The following RP1 variants were observed in gnomAD, a reference collection of about 807,000 sequenced individuals.
The protein encoded by RP1 is oxygen-regulated protein 1.
RP1 carries 16 observed loss-of-function variants against 14.8 expected under a neutral mutation model. The observed-to-expected ratio is 1.08, with a 90% confidence interval of 0.73 to 1.65. The LOEUF is 1.65. Ranked by LOEUF, RP1 falls within the 40% of genes most tolerant of loss-of-function variation. The pLI, the probability that RP1 is intolerant of heterozygous loss-of-function variation, is 0.00. For synonymous variants in RP1, 876 were observed against 883.6 expected (o/e 0.99, Z 0.15); for missense variants, 2,631 against 2,535.0 (o/e 1.04, Z -0.81).
At chr8:54,783,500 G>A (rs1004297138) in intron 23 of RP1, 1 of 966,344 alleles carries the variant, frequency 1.0e-6, no homozygotes, top group Non-Finnish European at 1.3e-6. Flanking sequence ...TAATATTAAT[G>A]TGTTTTTCCC....
chr8:54,642,762 G>A (rs1806475429), intron 3 of RP1, among the ~76,000 whole-genome samples: 1 of 152,118 alleles, frequency 6.6e-6, no homozygotes, highest in South Asian at 2.1e-4. Flanking sequence ...AAGAATATGT[G>A]CATTGTAAAA....
intron 1 of RP1, among the ~76,000 whole-genome samples, chr8:54,574,811 A>C (rs1804607585): frequency 6.6e-6 from 1 of 152,172 alleles, no homozygotes; most frequent in Non-Finnish European, 1.5e-5. Flanking sequence ...TGGGTTACCT[A>C]GGAACGAAAA....
intron 1 of RP1, among the ~76,000 whole-genome samples, chr8:54,600,095 C>G (rs1207153965): frequency 6.6e-6 from 1 of 152,118 alleles, no homozygotes; most frequent in Non-Finnish European, 1.5e-5. Context: ...GTAGCTTCCA[C>G]AATTCCCACA....
intron 24 of RP1, among the ~76,000 whole-genome samples, chr8:54,830,388 C>T (rs766144074): frequency 1.3e-5 from 2 of 151,840 alleles, no homozygotes; most frequent in South Asian, 2.1e-4. Flanking sequence ...CCCATTAACT[C>T]GTCATTTACA....
At chr8:54,603,411 A>G (rs1805343649) in intron 1 of RP1, among the ~76,000 whole-genome samples, 1 of 152,140 alleles carries the variant, frequency 6.6e-6, no homozygotes, top group South Asian at 2.1e-4. Context: ...CTGTTTTGGT[A>G]CCAGTACCAT....
At chr8:54,673,857 C>T in exon 8 of RP1, 2 of 1,535,756 alleles carry the variant, frequency 1.3e-6, no homozygotes, top group South Asian at 2.4e-5. Context: ...TAGACTGACA[C>T]CTTTTTCCTG....
intron 7 of RP1, among the ~76,000 whole-genome samples, chr8:54,669,354 G>A (rs930792679): frequency 6.6e-6 from 1 of 152,110 alleles, no homozygotes; most frequent in Admixed American, 6.6e-5. Flanking sequence ...TTAGAATGGC[G>A]ATCATTAAAA....
rs1415765179 is a variant in RP1, at chr8:54,629,050, C to G, written c.5168C>G (p.Thr1723Arg). 1 of 1,613,758 alleles carries G rather than the reference C, an allele frequency of 6.2e-7. No individual in the cohort carries two copies. Among genetic ancestry groups the G allele is most frequent in the Non-Finnish European group, 8.5e-7 (1 of 1,179,932 alleles). The change falls in exon 4 of 4, where the codon ACA becomes AGA. Residue 1723 changes from threonine to arginine, a missense_variant. Thr to Arg is a moderately conservative substitution (Grantham distance 71). Transcript: ENST00000220676. ...YCRGDIVEPG[T>R]KQNDDSRILT... is the part of the protein sequence containing the mutation. The stretch of plus-strand genomic sequence containing the variant: ...AGGGGTGACATTGTAGAACCTGGTA[C>G]AAAACAAAATGATGATAGCAGAATC...
At chr8:54,713,920 G>T (rs1374301598) in intron 15 of RP1, among the ~76,000 whole-genome samples, 1 of 152,134 alleles carries the variant, frequency 6.6e-6, no homozygotes, top group Non-Finnish European at 1.5e-5. Context: ...TTATGTTAGT[G>T]GGAAAAATCT....
chr8:54,796,672 A>G (rs2129387095), intron 24 of RP1, among the ~76,000 whole-genome samples: 1 of 152,290 alleles, frequency 6.6e-6, no homozygotes, highest in East Asian at 1.9e-4. Context: ...GGAGCTAGAA[A>G]GAGGCAAGGA....
exon 19 of RP1, chr8:54,738,971 A>G (rs947041694): frequency 1.4e-5 from 21 of 1,517,030 alleles, no homozygotes; most frequent in Non-Finnish European, 1.7e-5. Context: ...GGAAACATAT[A>G]TAAGATAAGG....
chr8:54,708,413 G>A (rs1270046866), intron 15 of RP1, among the ~76,000 whole-genome samples: 1 of 150,698 alleles, frequency 6.6e-6, no homozygotes, highest in Non-Finnish European at 1.5e-5. Context: ...CTAGAGTGCA[G>A]TGGCGCAATC....
intron 3 of RP1, among the ~76,000 whole-genome samples, chr8:54,646,996 CTAG>C (rs1806564781): frequency 1.3e-5 from 2 of 152,164 alleles, no homozygotes; most frequent in Non-Finnish European, 2.9e-5. Flanking sequence ...CCATCCTTGA[CTAG>C]TTTTTTTAAA....
At chr8:54,582,011 A>T (rs956507990) in intron 1 of RP1, among the ~76,000 whole-genome samples, 3 of 152,046 alleles carry the variant, frequency 2.0e-5, no homozygotes, top group African/African-American at 7.2e-5. Flanking sequence ...GTTTAATTAG[A>T]TCCCATTTGT....
chr8:54,710,898 A>G (rs547455922), intron 15 of RP1, among the ~76,000 whole-genome samples: 2 of 152,316 alleles, frequency 1.3e-5, no homozygotes, highest in South Asian at 4.2e-4. Flanking sequence ...ATTATTCAGA[A>G]AGAAACAATC....
intron 23 of RP1, chr8:54,783,455 T>A (rs1810238298): frequency 6.7e-6 from 4 of 593,928 alleles, no homozygotes; most frequent in Non-Finnish European, 9.9e-6. Flanking sequence ...ATTCATTTCA[T>A]AACCAAGTAG....
At chr8:54,837,423 A>C in intron 24 of RP1, 2 of 1,073,772 alleles carry the variant, frequency 1.9e-6, no homozygotes, top group South Asian at 9.5e-5. Context: ...AGGGAGTTTT[A>C]GTTCCCTTTT....
intron 19 of RP1, among the ~76,000 whole-genome samples, chr8:54,739,243 T>C (rs1276045669): frequency 6.6e-6 from 1 of 152,188 alleles, no homozygotes; most frequent in Non-Finnish European, 1.5e-5. Context: ...CTCTACTTAC[T>C]ATGGTTTGAC....
chr8:54,769,791 A>G (rs1300273690), exon 23 of RP1: 3 of 1,533,604 alleles, frequency 2.0e-6, no homozygotes, highest in East Asian at 4.9e-5. Context: ...ATTGAACTTT[A>G]TCTTCAAGGT....
Sources: gnomAD v4.1 joint callset for allele counts (sites outside exome capture counted in the v4.1 genomes callset) on GRCh38, gnomAD v4.1.1 for gene constraint, MANE v1.5 for transcripts, NCBI Gene and HGNC (gene_info 2026-07-23, HGNC 2026-07-21) for gene names.